Variants in SYK observed in about 807,000 individuals in gnomAD.
The protein encoded by SYK is tyrosine-protein kinase SYK.
SYK carries 16 observed loss-of-function variants against 77.8 expected under a neutral mutation model. The ratio of observed to expected loss-of-function variants is 0.21; its 90% CI spans 0.14 to 0.31. The LOEUF (loss-of-function observed/expected upper bound fraction) is 0.31. SYK is among the 10% of genes least tolerant of loss of function. SYK has a pLI of 1.00. For missense variants in SYK, 529 were observed against 814.4 expected, an observed-to-expected ratio of 0.65 and a Z score of 4.26; for synonymous variants, 312 against 308.7, an observed-to-expected ratio of 1.01 and a Z score of -0.11.
intron 1 of SYK, among the ~76,000 whole-genome samples, chr9:90,841,555 G>A (rs1262066608): frequency 1.5e-5 from 2 of 135,500 alleles, no homozygotes; most frequent in African/African-American, 5.1e-5. Flanking sequence ...TATGTGTGTG[G>A]TGTAGTGTGT....
rs111806182 is a variant in SYK at position 90,878,532 on chromosome 9, T to G, written c.1392-232T>G. ...CCTGACTACTCTGTTATACTGCTTT[T>G]CTTGCAATTCCAAGCATGCCAGGAA... is the stretch of plus-strand genomic sequence containing the variant. On this transcript the variant is annotated intron_variant, in intron 10 of 13. Transcript: ENST00000375754. Among the ~76,000 whole-genome samples, 896 of 152,296 alleles carry G rather than the reference T, an allele frequency of 5.9e-3. 11 individuals carry two copies. The highest frequency in any genetic ancestry group is 0.019 in the African/African-American group (809 of 41,552).
chr9:90,840,585 AG>A (rs1052196918), intron 1 of SYK, among the ~76,000 whole-genome samples: 1 of 151,794 alleles, frequency 6.6e-6, no homozygotes, highest in Admixed American at 6.6e-5. Context: ...AACTGTAGAA[AG>A]GGGAAAGCAG....
chr9:90,819,047 T>C (rs1489039139), intron 1 of SYK, among the ~76,000 whole-genome samples: 16 of 152,246 alleles, frequency 1.1e-4, no homozygotes, highest in Non-Finnish European at 2.4e-4. Flanking sequence ...CAGGGAGATA[T>C]GGCTATCAGG....
chr9:90,806,565 T>G (rs1223835653), intron 1 of SYK, among the ~76,000 whole-genome samples: 1 of 152,176 alleles, frequency 6.6e-6, no homozygotes, highest in African/African-American at 2.4e-5. Flanking sequence ...CTAAATATGT[T>G]TTATGTAAAT....
chr9:90,820,270 C>T (rs190106941), intron 1 of SYK, among the ~76,000 whole-genome samples: 99 of 151,148 alleles, frequency 6.5e-4, no homozygotes, highest in Non-Finnish European at 1.0e-3. Context: ...CCTCTACTCA[C>T]GGCTCCACTA....
chr9:90,866,505 G>A (rs899455148), intron 6 of SYK, among the ~76,000 whole-genome samples: 1 of 152,108 alleles, frequency 6.6e-6, no homozygotes, highest in Non-Finnish European at 1.5e-5. Flanking sequence ...TCACAGGCCT[G>A]GCAACTCTAT....
chr9:90,814,101 G>A (rs879429281), intron 1 of SYK, among the ~76,000 whole-genome samples: 2,783 of 152,222 alleles, frequency 0.018, 45 homozygotes, highest in Non-Finnish European at 0.031. Flanking sequence ...TTCTCATATT[G>A]TAATATATCA....
At chr9:90,823,311 T>G (rs775099288) in intron 1 of SYK, among the ~76,000 whole-genome samples, 2 of 152,228 alleles carry the variant, frequency 1.3e-5, no homozygotes, top group African/African-American at 2.4e-5. Flanking sequence ...GTCTTATAGT[T>G]AGAGATTTTA....
chr9:90,895,425 C>G lies in SYK; in HGVS notation c.1836-103C>G. On this transcript the variant is annotated intron_variant, in intron 13 of 13. Coordinates refer to ENST00000375754, the MANE Select transcript of SYK (RefSeq NM_003177.7). The surrounding 1 kb of genome is among the most constrained non-coding windows in gnomAD (Gnocchi z 4.4). Reference sequence around the variant, plus strand: ...AGCTGCAGGCCCTAGAGTTAGCCACCAGGGAGCAGCACCACTGGTACTCAG... The same window carrying G: ...AGCTGCAGGCCCTAGAGTTAGCCACGAGGGAGCAGCACCACTGGTACTCAG... 2 of 1,231,224 alleles carry G rather than the reference C, an allele frequency of 1.6e-6. No homozygotes were observed. The highest frequency in any genetic ancestry group is 2.4e-6 in the Non-Finnish European group (2 of 849,574). The allele number at this position is 1,231,224 out of a possible 1,614,324, so 76.3% of individuals were successfully genotyped here.
At chr9:90,810,909 A>G (rs1173204871) in intron 1 of SYK, among the ~76,000 whole-genome samples, 2 of 152,182 alleles carry the variant, frequency 1.3e-5, no homozygotes, top group East Asian at 3.8e-4. Flanking sequence ...TTTGCACACC[A>G]GGCGGGGGAG....
intron 1 of SYK, among the ~76,000 whole-genome samples, chr9:90,806,558 AAT>A (rs1824843898): frequency 6.6e-6 from 1 of 152,084 alleles, no homozygotes; most frequent in African/African-American, 2.4e-5. Context: ...TTGTTGACTA[AAT>A]ATGTTTTATG....
At chr9:90,889,452 C>T (rs1362583731) in intron 13 of SYK, among the ~76,000 whole-genome samples, 4 of 152,232 alleles carry the variant, frequency 2.6e-5, no homozygotes, top group African/African-American at 9.7e-5. Flanking sequence ...TCAGGTTTGC[C>T]TTCAGATACA....
At chr9:90,841,655 A>G (rs1049646693) in intron 1 of SYK, among the ~76,000 whole-genome samples, 1 of 132,056 alleles carries the variant, frequency 7.6e-6, no homozygotes, top group Admixed American at 7.5e-5. Context: ...TGTGTTTAGT[A>G]TGGTGTGTGG....
At chr9:90,884,087 ATAGAT>A (rs1185427055) in intron 11 of SYK, among the ~76,000 whole-genome samples, 4 of 151,934 alleles carry the variant, frequency 2.6e-5, no homozygotes, top group Non-Finnish European at 5.9e-5. Flanking sequence ...GAAATTATAC[ATAGAT>A]TAAATACTGC....
chr9:90,823,590 G>A (rs1261045122), intron 1 of SYK, among the ~76,000 whole-genome samples: 1 of 152,056 alleles, frequency 6.6e-6, no homozygotes, highest in Non-Finnish European at 1.5e-5. Flanking sequence ...ACAAAAAGAT[G>A]GAGGTTTTGG....
At chr9:90,883,762 C>A (rs191362882) in intron 11 of SYK, among the ~76,000 whole-genome samples, 2 of 152,228 alleles carry the variant, frequency 1.3e-5, no homozygotes, top group Admixed American at 1.3e-4. Context: ...ACCACCATTA[C>A]TGCCATCACC....
intron 1 of SYK, among the ~76,000 whole-genome samples, chr9:90,806,100 C>T (rs935108720): frequency 2.6e-5 from 4 of 152,182 alleles, no homozygotes; most frequent in Middle Eastern, 3.2e-3. Flanking sequence ...TTTTCTATCT[C>T]GTACCCCTTT....
intron 9 of SYK, 136 bp downstream of exon 9, chr9:90,874,985 T>G: frequency 9.0e-7 from 1 of 1,112,828 alleles, no homozygotes; most frequent in South Asian, 1.6e-5. Flanking sequence ...TTTCTGGTAC[T>G]ATTATAATGA....
chr9:90,856,608 T>C (rs1827048692), intron 3 of SYK, among the ~76,000 whole-genome samples: 1 of 152,140 alleles, frequency 6.6e-6, no homozygotes, highest in Non-Finnish European at 1.5e-5. Flanking sequence ...TTTGTTTGTT[T>C]GTTTGTTTTT....
Sources: allele counts gnomAD v4.1 joint callset (sites outside exome capture counted in the v4.1 genomes callset), GRCh38; gene constraint gnomAD v4.1.1; non-coding constraint Gnocchi (gnomAD v3.1); transcripts MANE v1.5; gene names NCBI Gene and HGNC (gene_info 2026-07-23, HGNC 2026-07-21).